The following MACROD2 variants were observed in gnomAD, a reference collection of about 807,000 sequenced individuals.
The protein encoded by MACROD2 is ADP-ribose glycohydrolase MACROD2.
MACROD2 carries 36 observed loss-of-function variants against 70.4 expected under a neutral mutation model. The observed-to-expected ratio is 0.51, with a 90% CI of 0.39 to 0.68. The LOEUF (loss-of-function observed/expected upper bound fraction) is 0.68, where lower values mean the gene tolerates loss of function less well. Among genes scored for constraint, MACROD2 ranks in the 30% least tolerant of loss-of-function variants. The pLI is 0.00. For synonymous variants in MACROD2, 172 were observed against 178.8 expected, an observed-to-expected ratio of 0.96 and a Z score of 0.30; for missense variants, 496 against 538.4, an observed-to-expected ratio of 0.92 and a Z score of 0.78.
At chr20:15,344,726 T>C (rs1022211336) in intron 6 of MACROD2, among the ~76,000 whole-genome samples, 1 of 152,224 alleles carries the variant, frequency 6.6e-6, no homozygotes, top group African/African-American at 2.4e-5. Flanking sequence ...TTTCACACTT[T>C]CTTGGTGTTA....
At chr20:15,108,973 T>G (rs1449773039) in intron 5 of MACROD2, among the ~76,000 whole-genome samples, 2 of 152,156 alleles carry the variant, frequency 1.3e-5, no homozygotes, top group Non-Finnish European at 2.9e-5. Flanking sequence ...TTACCACAGT[T>G]ATTACATAGA....
At chr20:15,270,364 C>T (rs938229318) in intron 6 of MACROD2, among the ~76,000 whole-genome samples, 13 of 151,984 alleles carry the variant, frequency 8.6e-5, no homozygotes, top group African/African-American at 2.9e-4. Flanking sequence ...GAAAGAAGCC[C>T]GTCTCATATT....
chr20:15,796,115 G>C (rs796819939), intron 8 of MACROD2, among the ~76,000 whole-genome samples: 6 of 152,316 alleles, frequency 3.9e-5, no homozygotes, highest in African/African-American at 1.4e-4. Context: ...ATTTGGGATA[G>C]CAGAAATGGA....
chr20:14,503,116 G>A (rs1190231378), intron 4 of MACROD2, among the ~76,000 whole-genome samples: 1 of 152,172 alleles, frequency 6.6e-6, no homozygotes, highest in Non-Finnish European at 1.5e-5. Flanking sequence ...TCAGGCACAT[G>A]CTTGGCACTG....
At chr20:14,328,321 A>G (rs1371387333) in intron 3 of MACROD2, among the ~76,000 whole-genome samples, 2 of 152,062 alleles carry the variant, frequency 1.3e-5, no homozygotes, top group Non-Finnish European at 2.9e-5. Context: ...TCTTCTGTTC[A>G]CATTTTGTTA....
chr20:15,080,079 T>C (rs759194444), intron 5 of MACROD2, among the ~76,000 whole-genome samples: 47 of 151,884 alleles, frequency 3.1e-4, no homozygotes, highest in Non-Finnish European at 6.6e-4. Context: ...TCTTTTCTCT[T>C]GACTCTAATG....
At chr20:15,926,090 A>G (rs1330166452) in intron 10 of MACROD2, among the ~76,000 whole-genome samples, 1 of 152,190 alleles carries the variant, frequency 6.6e-6, no homozygotes, top group African/African-American at 2.4e-5. Flanking sequence ...TCCATACAAA[A>G]TCTGCCCCCG....
chr20:14,448,999 T>G (rs991883250), intron 3 of MACROD2, among the ~76,000 whole-genome samples: 2 of 152,150 alleles, frequency 1.3e-5, no homozygotes, highest in Non-Finnish European at 2.9e-5. Context: ...AGTCTACCAC[T>G]TAGAGAATCT....
chr20:15,400,372 C>T (rs2045913415), intron 6 of MACROD2, among the ~76,000 whole-genome samples: 1 of 152,082 alleles, frequency 6.6e-6, no homozygotes, highest in African/African-American at 2.4e-5. Flanking sequence ...ATCCACTGAC[C>T]CCATGACTTA....
intron 5 of MACROD2, among the ~76,000 whole-genome samples, chr20:15,146,880 T>C (rs1042237851): frequency 2.6e-5 from 4 of 152,204 alleles, no homozygotes; most frequent in African/African-American, 7.2e-5. Context: ...TTCTTTAGCA[T>C]AGAAATTTGT....
intron 8 of MACROD2, among the ~76,000 whole-genome samples, chr20:15,682,284 A>T (rs1316421732): frequency 2.6e-5 from 4 of 152,220 alleles, no homozygotes; most frequent in Admixed American, 2.6e-4. Flanking sequence ...TTAATAGGAA[A>T]GATTTTTAGA....
In MACROD2 at chr20:14,463,874, G is replaced by A. The variant is rs576216301; in HGVS notation, c.272-29605G>A. ...TATGTTGAACCAGCCTTGCATCCCA[G>A]GGATGAAGCCCACTAGATCATGGTG... On this transcript the variant is annotated intron_variant, in intron 3 of 17. Coordinates refer to ENST00000684519, the MANE Select transcript of MACROD2 (RefSeq NM_001351661.2). Among the ~76,000 whole-genome samples the A allele has an allele frequency of 9.9e-5, 15 of 152,126 alleles. No individual in the cohort carries two copies. In the East Asian group the frequency reaches 2.1e-3, roughly 22 times the overall value.
intron 6 of MACROD2, among the ~76,000 whole-genome samples, chr20:15,411,558 G>A (rs1308662987): frequency 6.6e-6 from 1 of 152,158 alleles, no homozygotes; most frequent in Admixed American, 6.5e-5. Context: ...AACTATGATT[G>A]CATGGATTTG....
chr20:15,493,595 A>G (rs2047258295), intron 7 of MACROD2, among the ~76,000 whole-genome samples: 1 of 152,232 alleles, frequency 6.6e-6, no homozygotes, highest in African/African-American at 2.4e-5. Context: ...TTTGAATTTT[A>G]TATCAGGTGA....
chr20:16,019,020 A>G (rs1264973525), intron 15 of MACROD2, among the ~76,000 whole-genome samples: 1 of 152,128 alleles, frequency 6.6e-6, no homozygotes, highest in Non-Finnish European at 1.5e-5. Context: ...TACTCTCCCC[A>G]ATAAAACAAT....
intron 8 of MACROD2, among the ~76,000 whole-genome samples, chr20:15,518,264 A>G (rs2047597988): frequency 2.0e-5 from 3 of 152,220 alleles, no homozygotes; most frequent in Admixed American, 2.0e-4. Flanking sequence ...AAAGGTGAGA[A>G]ATCACTGAGA....
At chr20:15,778,113 T>A (rs2051764506) in intron 8 of MACROD2, among the ~76,000 whole-genome samples, 1 of 152,162 alleles carries the variant, frequency 6.6e-6, no homozygotes. Flanking sequence ...CTTACGTATG[T>A]TAGAGAAAAG....
At chr20:15,593,627 TA>T (rs763672232) in intron 8 of MACROD2, among the ~76,000 whole-genome samples, 19 of 152,368 alleles carry the variant, frequency 1.2e-4, no homozygotes, top group Non-Finnish European at 2.4e-4. Flanking sequence ...TTTGTTGGAA[TA>T]ATGCTTGTGG....
intron 2 of MACROD2, among the ~76,000 whole-genome samples, chr20:14,042,446 C>T (rs747572404): frequency 4.6e-5 from 7 of 152,154 alleles, no homozygotes; most frequent in Non-Finnish European, 7.4e-5. Flanking sequence ...GATTTCTTCC[C>T]ACCAGTGAGT....
Sources: gnomAD v4.1 joint callset for allele counts (sites outside exome capture counted in the v4.1 genomes callset) on GRCh38, gnomAD v4.1.1 for gene constraint, MANE v1.5 for transcripts, NCBI Gene and HGNC (gene_info 2026-07-23, HGNC 2026-07-21) for gene names.